PGLYRP4: variants seen among roughly 807,000 people sequenced by gnomAD.
PGLYRP4 encodes peptidoglycan recognition protein 4, also known as PGRP-I-beta.
In PGLYRP4, 39 loss-of-function variants were observed where a neutral mutation model predicts 41.2. That is an observed-to-expected ratio of 0.95 (90% CI 0.73 to 1.24). The LOEUF is 1.24. PGLYRP4 is among the 50% of genes most tolerant of loss of function. PGLYRP4 has a pLI of 0.00. For missense variants in PGLYRP4, 467 were observed against 460.7 expected (o/e 1.01, Z -0.13); for synonymous variants, 202 against 186.8 (o/e 1.08, Z -0.66).
intron 2 of PGLYRP4, among the ~76,000 whole-genome samples, chr1:153,347,228 A>G (rs1323430990): frequency 1.3e-5 from 2 of 150,778 alleles, no homozygotes; most frequent in Non-Finnish European, 3.0e-5. Flanking sequence ...AGCGCGCCAG[A>G]TGGAGTTTCA....
chr1:153,346,187 A>T lies in PGLYRP4; in HGVS notation c.54T>A (p.Asp18Glu). Residue 18 changes from aspartate to glutamate, a missense_variant, in exon 3 of 9, where the codon GAT becomes GAA. Asp to Glu is a conservative substitution (Grantham distance 45). Coordinates refer to ENST00000359650, the MANE Select transcript of PGLYRP4 (RefSeq NM_020393.4). ...FSALGIQAWG[D>E]SSWNKTQAKQ... Reference sequence around the variant, plus strand: ...TAGCTTGTGTTTTGTTCCAGGAGGAATCACCTGCAAAGGAATATCCCATTT... The same window carrying T: ...TAGCTTGTGTTTTGTTCCAGGAGGATTCACCTGCAAAGGAATATCCCATTT... The T allele has an allele frequency of 1.2e-6, 2 of 1,613,040 alleles. No homozygotes were observed. The highest frequency in any genetic ancestry group is 1.7e-6 in the Non-Finnish European group (2 of 1,178,960).
intron 4 of PGLYRP4, among the ~76,000 whole-genome samples, chr1:153,343,636 C>T (rs890240747): frequency 2.6e-5 from 4 of 152,182 alleles, no homozygotes; most frequent in Non-Finnish European, 4.4e-5. Flanking sequence ...AACTGTCCTA[C>T]ATAGACTTCC....
chr1:153,338,483 C>G (rs1252864171), intron 7 of PGLYRP4, among the ~76,000 whole-genome samples: 1 of 152,188 alleles, frequency 6.6e-6, no homozygotes, highest in Non-Finnish European at 1.5e-5. Context: ...AAATACAAAT[C>G]TTACTATGTC....
At chr1:153,345,972 G>T in intron 3 of PGLYRP4, 130 bp downstream of exon 3, 1 of 741,390 alleles carries the variant, frequency 1.3e-6, no homozygotes, top group Non-Finnish European at 2.4e-6. Flanking sequence ...TACTGGTACT[G>T]CTCTCTGCAC....
chr1:153,334,468 T>TATATATATTTATA, intron 8 of PGLYRP4, among the ~76,000 whole-genome samples: 1 of 142,530 alleles, frequency 7.0e-6, no homozygotes, highest in Non-Finnish European at 1.5e-5. Context: ...ATATATTTAT[T>TATATATATTTATA]TATATATATT....
At chr1:153,346,249 C>T (rs1661006151) in intron 2 of PGLYRP4, 58 bp from the exon 3 acceptor site, 35 of 1,305,078 alleles carry the variant, frequency 2.7e-5, no homozygotes, top group Non-Finnish European at 3.7e-5. Context: ...ATCATGGTGG[C>T]ACCAGCTCTG....
chr1:153,335,209 C>T (rs1660505279), intron 8 of PGLYRP4, among the ~76,000 whole-genome samples: 1 of 152,066 alleles, frequency 6.6e-6, no homozygotes, highest in Non-Finnish European at 1.5e-5. Context: ...CTTAATTAAA[C>T]TAAAATATTT....
chr1:153,342,800 G>C (rs903963515), intron 5 of PGLYRP4, among the ~76,000 whole-genome samples: 13 of 152,226 alleles, frequency 8.5e-5, no homozygotes, highest in Non-Finnish European at 1.5e-5. Flanking sequence ...CTGAAGCCCA[G>C]ATAAGCTTGC....
chr1:153,340,357 C>A lies in PGLYRP4; in HGVS notation c.824+24G>T, dbSNP rs749534150. 4 of 1,604,820 alleles carry A rather than the reference C, an allele frequency of 2.5e-6. No individual in the cohort carries two copies. The South Asian group carries it at 4.4e-5, about 18-fold the overall frequency. ...GTTTCTGCCCCCAAGGGAAAAGAAG[C>A]CCAGTGTACCCAGACCCACTCACTT... is the stretch of plus-strand genomic sequence containing the variant. On this transcript the variant is annotated intron_variant, in intron 7 of 8. Transcript: ENST00000359650.
chr1:153,332,051 T>C (rs767242699), intron 8 of PGLYRP4, among the ~76,000 whole-genome samples: 2 of 152,086 alleles, frequency 1.3e-5, no homozygotes, highest in African/African-American at 2.4e-5. Context: ...AAAATCCAAC[T>C]GTATGCTGCT....
Position 153,330,917 on chromosome 1 carries a change from C to G in PGLYRP4, c.972G>C (p.Glu324Asp). Reference protein sequence around the residue: ...TGIPPNAAALEAAQDLIQCAM... With the variant: ...TGIPPNAAALDAAQDLIQCAM... Reference sequence around the variant, plus strand: ...CACACTGGATCAGGTCTTGGGCTGCCTCTAGTGCTGCAGCATTGGGTGGTA... The same window carrying G: ...CACACTGGATCAGGTCTTGGGCTGCGTCTAGTGCTGCAGCATTGGGTGGTA... Residue 324 changes from glutamate to aspartate, a missense_variant, in exon 9 of 9, where the codon GAG becomes GAC. Physicochemically the swap from Glu to Asp is conservative, Grantham distance 45. Transcript: ENST00000359650. The G allele has an allele frequency of 6.2e-7, 1 of 1,613,890 alleles. No individual in the cohort carries two copies. The highest frequency in any genetic ancestry group is 8.5e-7 in the Non-Finnish European group (1 of 1,179,858).
At chr1:153,331,917 A>G (rs1557821398) in intron 8 of PGLYRP4, among the ~76,000 whole-genome samples, 1 of 152,234 alleles carries the variant, frequency 6.6e-6, no homozygotes, top group Non-Finnish European at 1.5e-5. Flanking sequence ...CGAGACTGCA[A>G]AGCAACTGGG....
chr1:153,340,302 G>T (rs966191236), intron 7 of PGLYRP4, 79 bp downstream of exon 7: 43 of 1,285,442 alleles, frequency 3.3e-5, no homozygotes, highest in Non-Finnish European at 4.7e-5. Flanking sequence ...GTAAATATTA[G>T]TTCCCTTTCC....
At position 153,342,514 on chromosome 1, in the gene PGLYRP4, C is replaced by T. The variant is rs112242574; in HGVS notation, c.472+576G>A. ...ACTAGGTATGTAAGATCTCTGTTAA[C>T]GGGAAAGGGTACACAAATTCAAAGG... On this transcript the variant is annotated intron_variant, in intron 5 of 8. Coordinates refer to ENST00000359650, the MANE Select transcript of PGLYRP4 (RefSeq NM_020393.4). 5.0e-4 allele frequency among the ~76,000 whole-genome samples: 76 copies of T among 152,192 alleles called. 1 individual carries two copies. In the East Asian group the frequency reaches 0.012, roughly 24 times the overall value.
intron 8 of PGLYRP4, among the ~76,000 whole-genome samples, chr1:153,333,870 A>G (rs1399744020): frequency 6.6e-6 from 1 of 152,208 alleles, no homozygotes; most frequent in African/African-American, 2.4e-5. Flanking sequence ...TTACTTCATG[A>G]TAAAAACTCT....
intron 1 of PGLYRP4, 84 bp from the exon 2 acceptor site, chr1:153,348,062 G>C: frequency 1.4e-6 from 1 of 728,598 alleles, no homozygotes; most frequent in South Asian, 1.7e-5. Context: ...GGTGCCATCT[G>C]CCTCCTCTAC....
chr1:153,341,738 G>T lies in PGLYRP4; in HGVS notation c.514C>A (p.Leu172Ile), dbSNP rs753964568. Residue 172 changes from leucine (L) to isoleucine (I), a missense_variant, in exon 6 of 9, where the codon CTA (leucine) becomes ATA (isoleucine). Coordinates refer to ENST00000359650, the MANE Select transcript of PGLYRP4 (RefSeq NM_020393.4). ...CCCTTCTGGACAGCATAGGTGATTA[G>T]GTTTTCCATGGCCGACAGGGCAGCA... ...SPAALSAMENLITYAVQKGHL... is the reference protein window; with the variant it reads ...SPAALSAMENIITYAVQKGHL... 1.2e-6 allele frequency: 2 copies of T among 1,613,894 alleles called. No homozygotes were observed. The highest frequency in any genetic ancestry group is 1.7e-6 in the Non-Finnish European group (2 of 1,180,020).
At chr1:153,341,090 G>A (rs923951355) in intron 6 of PGLYRP4, among the ~76,000 whole-genome samples, 2 of 152,102 alleles carry the variant, frequency 1.3e-5, no homozygotes, top group Non-Finnish European at 2.9e-5. Context: ...CAGTCTATTC[G>A]TGTTGTTTTG....
rs1320350160 is a variant in PGLYRP4 at position 153,346,143 on chromosome 1, A to G, written c.98T>C (p.Leu33Pro). The change falls in exon 3 of 9, where the codon CTC becomes CCC. Residue 33 changes from leucine to proline, a missense_variant. Leu to Pro is a moderately conservative substitution (Grantham distance 98). Coordinates refer to ENST00000359650, the MANE Select transcript of PGLYRP4 (RefSeq NM_020393.4). The stretch of plus-strand genomic sequence containing the variant: ...GGAGATGTTCTCAAATAGGTACTGG[A>G]GCCCCTCTGATACCTGTTTAGCTTG... Reference protein sequence around the residue: ...KTQAKQVSEGLQYLFENISQL... With the variant: ...KTQAKQVSEGPQYLFENISQL... The G allele has an allele frequency of 6.2e-7, 1 of 1,614,058 alleles. No individual in the cohort carries two copies. Among genetic ancestry groups the G allele is most frequent in the East Asian group, 2.2e-5 (1 of 44,886 alleles).
Sources: allele counts gnomAD v4.1 joint callset (sites outside exome capture counted in the v4.1 genomes callset), GRCh38; gene constraint gnomAD v4.1.1; transcripts MANE v1.5; gene names NCBI Gene and HGNC (gene_info 2026-07-23, HGNC 2026-07-21).